ADGRL3: variants seen among roughly 807,000 people sequenced by gnomAD.
ADGRL3 encodes the protein adhesion G protein-coupled receptor L3, also known as calcium-independent alpha-latrotoxin receptor 3.
A neutral mutation model predicts 153.5 loss-of-function variants in ADGRL3; 62 were observed. The observed-to-expected ratio is 0.40, with a 90% CI of 0.33 to 0.50. The LOEUF (loss-of-function observed/expected upper bound fraction) is 0.50, where lower values mean the gene tolerates loss of function less well. Ranked by LOEUF, ADGRL3 falls within the 20% of genes least tolerant of loss-of-function variation. The pLI is 0.47. For missense variants in ADGRL3, 1,641 were observed against 1,859.4 expected (o/e 0.88, Z 2.16); for synonymous variants, 710 against 672.5 (o/e 1.06, Z -0.86).
chr4:61,932,413 T>C (rs1008225755), intron 13 of ADGRL3, among the ~76,000 whole-genome samples: 11 of 152,152 alleles, frequency 7.2e-5, no homozygotes, highest in Non-Finnish European at 1.6e-4. Context: ...GTCAAACACT[T>C]TTTATGCATC....
chr4:61,796,466 T>G (rs886822882), intron 8 of ADGRL3, among the ~76,000 whole-genome samples: 5 of 152,182 alleles, frequency 3.3e-5, no homozygotes, highest in Admixed American at 1.3e-4. Flanking sequence ...AATCAGAAAC[T>G]GAAGTCAGAG....
At chr4:61,657,316 G>T (rs2094468002) in intron 5 of ADGRL3, among the ~76,000 whole-genome samples, 1 of 152,044 alleles carries the variant, frequency 6.6e-6, no homozygotes, top group African/African-American at 2.4e-5. Flanking sequence ...TGTCATCCCT[G>T]CAGCACACTC....
intron 6 of ADGRL3, among the ~76,000 whole-genome samples, chr4:61,714,104 C>T (rs2096058274): frequency 6.6e-6 from 1 of 152,156 alleles, no homozygotes; most frequent in Non-Finnish European, 1.5e-5. Context: ...ACTTTTCACT[C>T]TCAGCTGCAT....
In ADGRL3 at chr4:61,245,467, C is replaced by G. The variant is rs74611106; in HGVS notation, c.-240+43702C>G. ...GCCACTTCCTCCTGTCCATCGTCCT[C>G]ATGTCTTGGCCCCAGCAGAGTTAGT... On this transcript the variant is annotated intron_variant, in intron 1 of 26. Coordinates refer to ENST00000683033, the MANE Select transcript of ADGRL3 (RefSeq NM_001387552.1). Among the ~76,000 whole-genome samples, 12 of 152,224 alleles carry G rather than the reference C, an allele frequency of 7.9e-5. No individual in the cohort carries two copies. In the South Asian group the frequency reaches 2.3e-3, roughly 29 times the overall value.
At chr4:61,775,911 ATT>A (rs950649155) in intron 8 of ADGRL3, 199 of 214,740 alleles carry the variant, frequency 9.3e-4, no homozygotes, top group African/African-American at 4.4e-3. Flanking sequence ...TTATTTATTT[ATT>A]TTTTTGAGAC....
chr4:61,731,884 A>G (rs2096448978), intron 7 of ADGRL3, among the ~76,000 whole-genome samples: 1 of 152,132 alleles, frequency 6.6e-6, no homozygotes, highest in Non-Finnish European at 1.5e-5. Context: ...CTACTGAATC[A>G]TACTAAAAAT....
chr4:61,860,424 G>A (rs1445181414), intron 9 of ADGRL3, among the ~76,000 whole-genome samples: 2 of 151,984 alleles, frequency 1.3e-5, no homozygotes, highest in African/African-American at 4.8e-5. Context: ...GGAATTATTT[G>A]CGTTACTGAT....
At chr4:61,808,221 A>G (rs1008068913) in intron 8 of ADGRL3, among the ~76,000 whole-genome samples, 2 of 152,134 alleles carry the variant, frequency 1.3e-5, no homozygotes, top group African/African-American at 2.4e-5. Context: ...AAATCTCTCA[A>G]TAGAGGGACA....
intron 4 of ADGRL3, among the ~76,000 whole-genome samples, chr4:61,538,864 T>A (rs1052326090): frequency 8.5e-5 from 13 of 152,210 alleles, no homozygotes; most frequent in African/African-American, 3.1e-4. Context: ...TGGGGAAGAT[T>A]GCGTTGGGTT....
At chr4:62,040,807 A>C (rs962968154) in intron 24 of ADGRL3, among the ~76,000 whole-genome samples, 3 of 152,150 alleles carry the variant, frequency 2.0e-5, no homozygotes, top group Admixed American at 6.6e-5. Context: ...TCAATTAGCC[A>C]GGTGGCTACT....
chr4:61,877,969 C>T (rs942770610), intron 9 of ADGRL3, among the ~76,000 whole-genome samples: 1 of 152,168 alleles, frequency 6.6e-6, no homozygotes, highest in African/African-American at 2.4e-5. Flanking sequence ...CTCTCTCTTG[C>T]TTGCTGTCAT....
intron 9 of ADGRL3, among the ~76,000 whole-genome samples, chr4:61,847,056 T>C (rs368277277): frequency 2.6e-5 from 4 of 151,482 alleles, no homozygotes; most frequent in African/African-American, 9.7e-5. Context: ...GCCTCCAGCA[T>C]TGGGGATTAC....
intron 2 of ADGRL3, among the ~76,000 whole-genome samples, chr4:61,417,525 A>C (rs915964747): frequency 6.6e-6 from 1 of 151,988 alleles, no homozygotes; most frequent in African/African-American, 2.4e-5. Flanking sequence ...ATCAAACAAA[A>C]AAAATCGAAG....
At chr4:61,466,115 C>T (rs1366018924) in intron 2 of ADGRL3, among the ~76,000 whole-genome samples, 2 of 151,866 alleles carry the variant, frequency 1.3e-5, no homozygotes, top group African/African-American at 2.4e-5. Context: ...AGCAAGACTC[C>T]ATCTCAAAAA....
chr4:61,270,598 G>A (rs2093115163), intron 1 of ADGRL3, among the ~76,000 whole-genome samples: 1 of 151,762 alleles, frequency 6.6e-6, no homozygotes, highest in Admixed American at 6.6e-5. Flanking sequence ...ATACATTAGA[G>A]GAAAGAAGTA....
At chr4:61,810,108 C>T (rs574175033) in intron 8 of ADGRL3, among the ~76,000 whole-genome samples, 3 of 152,180 alleles carry the variant, frequency 2.0e-5, no homozygotes, top group South Asian at 4.2e-4. Flanking sequence ...GTTTGTAAAC[C>T]TAGCGTTATG....
At chr4:61,428,469 C>T (rs1578800966) in intron 2 of ADGRL3, among the ~76,000 whole-genome samples, 1 of 152,128 alleles carries the variant, frequency 6.6e-6, no homozygotes, top group Non-Finnish European at 1.5e-5. Flanking sequence ...TAAGGAAAGA[C>T]CATCAATAGT....
intron 5 of ADGRL3, among the ~76,000 whole-genome samples, chr4:61,603,381 C>T (rs6820887): frequency 0.23 from 34,691 of 152,034 alleles, 4,278 homozygotes; most frequent in African/African-American, 0.3. Context: ...ATGAGTTACA[C>T]TTGTAAGGAA....
intron 2 of ADGRL3, among the ~76,000 whole-genome samples, chr4:61,492,684 C>CA (rs1365105633): frequency 6.6e-6 from 1 of 151,882 alleles, no homozygotes; most frequent in Non-Finnish European, 1.5e-5. Flanking sequence ...AAAGGAATAA[C>CA]AAAAAAATTT....
Sources: gnomAD v4.1 joint callset for allele counts (sites outside exome capture counted in the v4.1 genomes callset) on GRCh38, gnomAD v4.1.1 for gene constraint, MANE v1.5 for transcripts, NCBI Gene and HGNC (gene_info 2026-07-23, HGNC 2026-07-21) for gene names.